The following MAP4 variants were observed in gnomAD, a reference collection of about 807,000 sequenced individuals.
MAP4 encodes the protein microtubule-associated protein 4.
MAP4 carries 76 observed loss-of-function variants against 170.2 expected under a neutral mutation model. The observed-to-expected ratio is 0.45, with a 90% CI of 0.37 to 0.54. The LOEUF is 0.54. MAP4 is among the 20% of genes least tolerant of loss of function. The pLI is 0.00. For missense variants in MAP4, 2,506 were observed against 2,748.0 expected, an observed-to-expected ratio of 0.91 and a Z score of 1.97; for synonymous variants, 909 against 994.5, an observed-to-expected ratio of 0.91 and a Z score of 1.62.
In MAP4 at chr3:47,997,951, C is replaced by T. The variant is rs564066592; in HGVS notation, c.223+687G>A. ...AAACTAAATTCCTAGTTTAAAAATC[C>T]GACAGAAAATTCCAGGCCCAGATAG... is the stretch of plus-strand genomic sequence containing the variant. On this transcript the variant is annotated intron_variant, in intron 2 of 20. Transcript: ENST00000683076. Among the ~76,000 whole-genome samples the T allele has an allele frequency of 3.9e-5, 6 of 152,214 alleles. No homozygotes were observed. The South Asian group carries it at 8.3e-4, about 21-fold the overall frequency.
intron 17 of MAP4, among the ~76,000 whole-genome samples, chr3:47,858,595 GTGTGTGTGTGTGTGTGTGTGCGCGT>G (rs1050793644): frequency 6.5e-5 from 9 of 138,064 alleles, no homozygotes; most frequent in African/African-American, 1.2e-4. Context: ...TGGTGTGTGT[GTGTGTGTGTGTGTGTGTGTGCGCGT>G]TGTGTGTGTG....
intron 10 of MAP4, among the ~76,000 whole-genome samples, chr3:47,897,054 G>C (rs1033230671): frequency 2.0e-5 from 3 of 152,150 alleles, no homozygotes; most frequent in African/African-American, 7.2e-5. Flanking sequence ...GAAGATGCTA[G>C]GTTTCTGACT....
chr3:47,925,716 T>A (rs921165546), intron 4 of MAP4, among the ~76,000 whole-genome samples: 2 of 152,116 alleles, frequency 1.3e-5, no homozygotes. Context: ...TTGCTTAGGG[T>A]TGCAGTGGAT....
intron 10 of MAP4, among the ~76,000 whole-genome samples, chr3:47,896,964 A>C (rs553277050): frequency 6.6e-6 from 1 of 152,304 alleles, no homozygotes; most frequent in East Asian, 1.9e-4. Flanking sequence ...CTCATTTTAT[A>C]GAGGAACAAA....
At chr3:47,941,091 C>G (rs2100056004) in intron 3 of MAP4, among the ~76,000 whole-genome samples, 1 of 151,662 alleles carries the variant, frequency 6.6e-6, no homozygotes, top group Non-Finnish European at 1.5e-5. Flanking sequence ...GCTGGCCAAG[C>G]TGGTCTCAAA....
intron 3 of MAP4, among the ~76,000 whole-genome samples, chr3:47,943,725 T>C (rs1009300840): frequency 6.6e-6 from 1 of 152,004 alleles, no homozygotes; most frequent in Non-Finnish European, 1.5e-5. Context: ...CTAGCAATAT[T>C]TGAAAACACC....
At chr3:48,010,631 C>A (rs189385286) in intron 1 of MAP4, among the ~76,000 whole-genome samples, 18 of 152,184 alleles carry the variant, frequency 1.2e-4, no homozygotes, top group Non-Finnish European at 2.9e-5. Flanking sequence ...AATGTTAATA[C>A]TGTCAACTTG....
chr3:47,966,380 G>A (rs1295758769), intron 3 of MAP4, among the ~76,000 whole-genome samples: 6 of 151,492 alleles, frequency 4.0e-5, no homozygotes, highest in Non-Finnish European at 8.8e-5. Context: ...CTGAGTAGCT[G>A]GGACTACAGG....
At chr3:48,087,753 A>ACGCACGCGCG in intron 1 of MAP4, among the ~76,000 whole-genome samples, 1 of 149,370 alleles carries the variant, frequency 6.7e-6, no homozygotes, top group African/African-American at 2.5e-5. Flanking sequence ...GCGCACACAC[A>ACGCACGCGCG]CACACACACA....
At position 47,911,602 on chromosome 3, in the gene MAP4, A is replaced by G. The variant is rs751803559; in HGVS notation, c.2819T>C (p.Leu940Ser). Residue 940 changes from leucine to serine, a missense_variant, in exon 9 of 21, where the codon TTG (leucine) becomes TCG (serine). Leu to Ser is a moderately radical substitution (Grantham distance 145, BLOSUM62 -2). Around this residue, in one of 3 missense-constraint regions of MAP4, gnomAD observed 2,008 missense variants for 2,206.0 expected, o/e 0.91. Coordinates refer to ENST00000683076, the MANE Select transcript of MAP4 (RefSeq NM_001385682.1). This position sits in a 1 kb window ranked among gnomAD's most constrained non-coding sequence, Gnocchi z 4.0. ...GCAACCCTCTTTAAGTCTGATATCC[A>G]AAGGGGTTTCTACATTGTATGCAGA... ...EVSAYNVETPLDIRLKEGCSP... is the reference protein window; with the variant it reads ...EVSAYNVETPSDIRLKEGCSP... 3.3e-6 allele frequency: 5 copies of G among 1,536,006 alleles called. No homozygotes were observed. The Middle Eastern group carries it at 6.7e-4, about 204-fold the overall frequency.
rs1320395148 is a variant in MAP4 at position 47,852,816 on chromosome 3, G to T, written c.*118C>A. On this transcript the variant is annotated 3_prime_UTR_variant, in exon 21 of 21. Transcript: ENST00000683076. ...TCTAGTGGACAGCCCGGGAAAGGGG[G>T]CCAAGGACCCGGGAGCCCGAGTTGG... is the stretch of plus-strand genomic sequence containing the variant. The T allele has an allele frequency of 4.5e-6, 7 of 1,550,322 alleles. No individual in the cohort carries two copies. The highest frequency in any genetic ancestry group is 2.4e-5 in the East Asian group (1 of 40,904).
intron 10 of MAP4, among the ~76,000 whole-genome samples, chr3:47,880,821 TGA>T (rs1050527927): frequency 6.6e-6 from 1 of 152,136 alleles, no homozygotes; most frequent in African/African-American, 2.4e-5. Context: ...TCCATCTTGG[TGA>T]GTGTTTAATG....
chr3:48,061,161 A>G (rs1233193816), intron 1 of MAP4, among the ~76,000 whole-genome samples: 2 of 151,708 alleles, frequency 1.3e-5, no homozygotes, highest in East Asian at 3.9e-4. Context: ...AGCTCTTAAA[A>G]TTTAATATGA....
At chr3:47,944,020 A>G (rs1426803664) in intron 3 of MAP4, among the ~76,000 whole-genome samples, 1 of 152,028 alleles carries the variant, frequency 6.6e-6, no homozygotes, top group Admixed American at 6.6e-5. Context: ...CTATAAAAAC[A>G]TGTGTCCCTG....
chr3:47,853,393 A>AG (rs1553715045), intron 19 of MAP4, 41 bp from the exon 20 acceptor site: 9 of 853,476 alleles, frequency 1.1e-5, no homozygotes, highest in Admixed American at 2.7e-5. Flanking sequence ...GGGTCAGTCG[A>AG]GGGGGGGAGT....
intron 10 of MAP4, 153 bp from the exon 11 acceptor site, chr3:47,877,676 C>T (rs1163989754): frequency 1.8e-6 from 1 of 545,236 alleles, no homozygotes; most frequent in Non-Finnish European, 3.3e-6. Flanking sequence ...ACAAGCCTCC[C>T]AAGTTCTCAT....
In MAP4 at chr3:47,912,289, G is replaced by GTCT. The variant is rs762013305; in HGVS notation, c.2129_2131dup (p.Lys710dup). 431 of 1,536,022 alleles carry GTCT rather than the reference G, an allele frequency of 2.8e-4. No individual in the cohort carries two copies. Among genetic ancestry groups the GTCT allele is most frequent in the Non-Finnish European group, 3.5e-4 (407 of 1,146,926 alleles). The stretch of plus-strand genomic sequence containing the variant: ...GCAGTGGCCCAGCCTGTGATCAAGA[G>GTCT]TCTTCCATGGAGGAGAGCCTCCCAG... On this transcript the variant is annotated inframe_insertion, in exon 9 of 21. Transcript: ENST00000683076.
intron 18 of MAP4, among the ~76,000 whole-genome samples, chr3:47,857,142 C>A (rs2057917355): frequency 6.6e-6 from 1 of 152,208 alleles, no homozygotes; most frequent in Non-Finnish European, 1.5e-5. Flanking sequence ...GTTCTCAGCT[C>A]AGAGTGCACC....
At chr3:47,856,476 A>T (rs1470551949) in intron 18 of MAP4, among the ~76,000 whole-genome samples, 2 of 149,982 alleles carry the variant, frequency 1.3e-5, no homozygotes, top group Non-Finnish European at 3.0e-5. Context: ...CTTTTTGGAG[A>T]CAGAATTTCG....
Sources: allele counts gnomAD v4.1 joint callset (sites outside exome capture counted in the v4.1 genomes callset), GRCh38; gene constraint gnomAD v4.1.1; regional missense constraint gnomAD v4.1.1; non-coding constraint Gnocchi (gnomAD v3.1); transcripts MANE v1.5; gene names NCBI Gene and HGNC (gene_info 2026-07-23, HGNC 2026-07-21).